Variants in FAT3 observed in about 807,000 individuals in gnomAD.
FAT3 encodes FAT atypical cadherin 3, also known as protocadherin Fat 3.
In FAT3, 95 loss-of-function variants were observed where a neutral mutation model predicts 310.2. The ratio of observed to expected loss-of-function variants is 0.31; its 90% CI spans 0.26 to 0.36. The LOEUF (loss-of-function observed/expected upper bound fraction) is 0.36. Ranked by LOEUF, FAT3 falls within the 10% of genes least tolerant of loss-of-function variation. FAT3 has a pLI of 1.00. For missense variants in FAT3, 5,408 were observed against 5,715.6 expected (o/e 0.95, Z 1.74); for synonymous variants, 2,314 against 2,192.9 (o/e 1.06, Z -1.54).
intron 3 of FAT3, among the ~76,000 whole-genome samples, chr11:92,652,790 G>A (rs1942433808): frequency 6.6e-6 from 1 of 152,200 alleles, no homozygotes; most frequent in Non-Finnish European, 1.5e-5. Context: ...TCCTGAAGGT[G>A]CTACCACCTC....
At position 92,499,948 on chromosome 11, in the gene FAT3, G is replaced by T. The variant is rs187744041; in HGVS notation, c.3293-24686G>T. On this transcript the variant is annotated intron_variant, in intron 2 of 27. Transcript: ENST00000525166. ...TCCATTCCCTTTACAAATGTCAGGG[G>T]TCTGATAGCTATAGAAATTTCTGAT... Among the ~76,000 whole-genome samples the T allele has an allele frequency of 9.2e-5, 14 of 152,078 alleles. No homozygotes were observed. In the South Asian group the frequency reaches 2.9e-3, roughly 32 times the overall value.
At chr11:92,303,101 G>A (rs1473714796) in intron 1 of FAT3, among the ~76,000 whole-genome samples, 1 of 152,128 alleles carries the variant, frequency 6.6e-6, no homozygotes. Flanking sequence ...ATCCATGGAT[G>A]TTTGGTTGAT....
chr11:92,505,939 C>G (rs1301373660), intron 2 of FAT3, among the ~76,000 whole-genome samples: 1 of 152,118 alleles, frequency 6.6e-6, no homozygotes, highest in Non-Finnish European at 1.5e-5. Context: ...GGGGATATTA[C>G]AGTCTGTCTA....
rs1947078375 is a variant in FAT3, at chr11:92,793,096, T to G, written c.4822+119T>G. ...GTGGAACATCTCTAAATGAACTTTT[T>G]TGGCCAAGCCGCTGTCCTATTTGGG... On this transcript the variant is annotated intron_variant, in intron 9 of 27. Coordinates refer to ENST00000525166, the MANE Select transcript of FAT3 (RefSeq NM_001367949.2). 3 of 1,049,572 alleles carry G rather than the reference T, an allele frequency of 2.9e-6. No individual in the cohort carries two copies. In the South Asian group the frequency reaches 4.9e-5, roughly 17 times the overall value. The allele number at this position is 1,049,572 out of a possible 1,614,324, so 65.0% of individuals were successfully genotyped here. A position where few individuals can be genotyped will look rare whatever the true frequency, so the allele number is the denominator to read the frequency against.
chr11:92,534,774 C>T (rs145091141), intron 3 of FAT3, among the ~76,000 whole-genome samples: 96 of 152,198 alleles, frequency 6.3e-4, no homozygotes, highest in African/African-American at 2.2e-3. Flanking sequence ...CCTGAAGTAC[C>T]TGTAACAAAA....
intron 1 of FAT3, among the ~76,000 whole-genome samples, chr11:92,230,418 C>T (rs1265631659): frequency 6.6e-6 from 1 of 151,898 alleles, no homozygotes; most frequent in Non-Finnish European, 1.5e-5. Context: ...CTCAGTCTCC[C>T]GAGTAACTGG....
intron 1 of FAT3, among the ~76,000 whole-genome samples, chr11:92,259,698 T>C (rs1057443843): frequency 1.3e-5 from 2 of 152,144 alleles, no homozygotes; most frequent in African/African-American, 4.8e-5. Context: ...TAACAACTTG[T>C]AAATAATTAT....
At chr11:92,416,112 G>C (rs1317407494) in intron 2 of FAT3, among the ~76,000 whole-genome samples, 1 of 148,822 alleles carries the variant, frequency 6.7e-6, no homozygotes, top group Non-Finnish European at 1.5e-5. Flanking sequence ...ATGGTGGCTG[G>C]TGCCTGTAAT....
At chr11:92,854,499 A>G (rs1948919972) in intron 19 of FAT3, among the ~76,000 whole-genome samples, 1 of 152,224 alleles carries the variant, frequency 6.6e-6, no homozygotes, top group African/African-American at 2.4e-5. Flanking sequence ...TGGCCATTCC[A>G]GACAGGCTAT....
chr11:92,450,304 T>A (rs1951322825), intron 2 of FAT3, among the ~76,000 whole-genome samples: 1 of 152,212 alleles, frequency 6.6e-6, no homozygotes, highest in Non-Finnish European at 1.5e-5. Flanking sequence ...AACTGCATCC[T>A]CTTCAAGGAC....
At chr11:92,703,526 A>G (rs1944167128) in intron 4 of FAT3, among the ~76,000 whole-genome samples, 1 of 152,174 alleles carries the variant, frequency 6.6e-6, no homozygotes, top group African/African-American at 2.4e-5. Flanking sequence ...TCAGAAGGAG[A>G]GTTGATGACA....
At chr11:92,426,897 G>A (rs1371302850) in intron 2 of FAT3, among the ~76,000 whole-genome samples, 2 of 151,836 alleles carry the variant, frequency 1.3e-5, no homozygotes, top group African/African-American at 4.8e-5. Flanking sequence ...AAGTAGTTTT[G>A]TCTAATTCTG....
intron 3 of FAT3, among the ~76,000 whole-genome samples, chr11:92,601,025 C>T (rs1175655981): frequency 2.0e-5 from 3 of 151,514 alleles, no homozygotes; most frequent in Admixed American, 6.6e-5. Context: ...AGACAGGAGT[C>T]GGGGGAGAGA....
Position 92,836,585 on chromosome 11 carries a change from A to G in FAT3, c.10106A>G (p.Asp3369Gly), listed in dbSNP as rs1258263221. The change falls in exon 16 of 28, where the codon GAC (aspartate) becomes GGC (glycine). Residue 3369 changes from aspartate (D) to glycine (G), a missense_variant. Asp to Gly is a moderately conservative substitution (Grantham distance 94, BLOSUM62 -1). Transcript: ENST00000525166. ...SVILLIAEDV[D>G]SQPNGQIHFS... ...ATGAAGCTAATAGCAGAAGATGTAG[A>G]CAGCCAGCCCAACGGACAGATTCAT... 2 of 1,613,550 alleles carry G rather than the reference A, an allele frequency of 1.2e-6. No individual in the cohort carries two copies. The highest frequency in any genetic ancestry group is 8.5e-7 in the Non-Finnish European group (1 of 1,179,794).
intron 1 of FAT3, among the ~76,000 whole-genome samples, chr11:92,228,686 A>G (rs1379159233): frequency 6.6e-6 from 1 of 152,212 alleles, no homozygotes; most frequent in Non-Finnish European, 1.5e-5. Context: ...GTTATGCTAT[A>G]TTAATAGCTC....
In FAT3 at chr11:92,509,811, A is replaced by C. The variant is rs543996119; in HGVS notation, c.3293-14823A>C. Among the ~76,000 whole-genome samples the C allele has an allele frequency of 8.5e-5, 13 of 152,326 alleles. No homozygotes were observed. In the South Asian group the frequency reaches 2.3e-3, roughly 27 times the overall value. On this transcript the variant is annotated intron_variant, in intron 2 of 27. Transcript: ENST00000525166. ...CTTTGGGGTGAAAATAATATAGAAC[A>C]AAGGCAATGCAACAAAGACACCAAC...
At chr11:92,468,606 A>G (rs1398627499) in intron 2 of FAT3, among the ~76,000 whole-genome samples, 1 of 152,184 alleles carries the variant, frequency 6.6e-6, no homozygotes, top group Non-Finnish European at 1.5e-5. Context: ...TGGGTGATTT[A>G]TAAAGGAGAG....
chr11:92,613,249 C>T (rs1157116956), intron 3 of FAT3, among the ~76,000 whole-genome samples: 1 of 152,166 alleles, frequency 6.6e-6, no homozygotes, highest in Non-Finnish European at 1.5e-5. Context: ...AGGCCATTCA[C>T]AGGTGTGACT....
At chr11:92,603,757 C>T (rs754946958) in intron 3 of FAT3, among the ~76,000 whole-genome samples, 5 of 152,126 alleles carry the variant, frequency 3.3e-5, no homozygotes, top group Non-Finnish European at 7.4e-5. Context: ...CCAGATTGCT[C>T]TTAAGTAACT....
Sources: allele counts gnomAD v4.1 joint callset (sites outside exome capture counted in the v4.1 genomes callset), GRCh38; gene constraint gnomAD v4.1.1; transcripts MANE v1.5; gene names NCBI Gene and HGNC (gene_info 2026-07-23, HGNC 2026-07-21).